The following FOXJ2 variants were observed in gnomAD, a reference collection of about 807,000 sequenced individuals.
The protein encoded by FOXJ2 is forkhead box protein J2.
FOXJ2 carries 18 observed loss-of-function variants against 68.4 expected under a neutral mutation model. The ratio of observed to expected loss-of-function variants is 0.26; its 90% CI spans 0.18 to 0.39. The LOEUF is 0.39. FOXJ2 is among the 10% of genes least tolerant of loss of function. The pLI is 1.00. For synonymous variants in FOXJ2, 274 were observed against 263.2 expected (o/e 1.04, Z -0.40); for missense variants, 670 against 726.5 (o/e 0.92, Z 0.89).
intron 1 of FOXJ2, among the ~76,000 whole-genome samples, chr12:8,036,227 T>C (rs1413473292): frequency 2.0e-5 from 3 of 152,216 alleles, no homozygotes; most frequent in South Asian, 4.1e-4. Context: ...TCTAGCATTC[T>C]GTATGGGGCA....
At chr12:8,050,859 TTCCCTTCCC>T (rs2121355036) in intron 10 of FOXJ2, among the ~76,000 whole-genome samples, 1 of 59,064 alleles carries the variant, frequency 1.7e-5, no homozygotes, top group South Asian at 7.4e-4. Flanking sequence ...TCCCCTTCCC[TTCCCTTCCC>T]CTTCCCTTCC....
At chr12:8,039,491 C>T (rs752338793) in intron 1 of FOXJ2, among the ~76,000 whole-genome samples, 31 of 152,058 alleles carry the variant, frequency 2.0e-4, no homozygotes, top group South Asian at 4.2e-4. Context: ...TTTTTCAAAC[C>T]CATTCCTACA....
In FOXJ2 at chr12:8,047,999, C is replaced by A. The variant is rs779513348; in HGVS notation, c.935C>A (p.Pro312His). The change falls in exon 7 of 11, where the codon CCC becomes CAC. Residue 312 changes from proline to histidine, a missense_variant. By Grantham distance (77) the Pro-to-His change is moderately conservative (BLOSUM62 -2). Around this residue, in one of 2 missense-constraint regions of FOXJ2, gnomAD observed 555 missense variants for 562.2 expected, o/e 0.99. Transcript: ENST00000162391. ...QQQQQPPQPPPQQSQPQQQQA... is the reference protein window; with the variant it reads ...QQQQQPPQPPHQQSQPQQQQA... ...CAGCAGCAGCCGCCACAGCCACCTCCCCAGCAGTCCCAGCCACAGCAGCAG... is the reference window on the plus strand; with the variant it reads ...CAGCAGCAGCCGCCACAGCCACCTCACCAGCAGTCCCAGCCACAGCAGCAG... 1.2e-6 allele frequency: 2 copies of A among 1,613,972 alleles called. No individual in the cohort carries two copies. Among genetic ancestry groups the A allele is most frequent in the East Asian group, 4.5e-5 (2 of 44,880 alleles).
In FOXJ2 at chr12:8,053,846, T is replaced by C. The variant is rs1947155470; in HGVS notation, c.*996T>C. 1 of 152,206 alleles carries C rather than the reference T, an allele frequency of 6.6e-6. No individual in the cohort carries two copies. Among genetic ancestry groups the C allele is most frequent in the Non-Finnish European group, 1.5e-5 (1 of 68,038 alleles). The allele number at this position is 152,206 out of a possible 1,614,324, so 9.4% of individuals were successfully genotyped here. On this transcript the variant is annotated 3_prime_UTR_variant, in exon 11 of 11. Coordinates refer to ENST00000162391, the MANE Select transcript of FOXJ2 (RefSeq NM_018416.3). This position sits in a 1 kb window ranked among gnomAD's most constrained non-coding sequence, Gnocchi z 4.1. Reference sequence around the variant, plus strand: ...CAAATATTAGTTTGTCCTCCTTTAATTGTTTGCCCAAATCTTCCACCCATC... The same window carrying C: ...CAAATATTAGTTTGTCCTCCTTTAACTGTTTGCCCAAATCTTCCACCCATC...
intron 6 of FOXJ2, among the ~76,000 whole-genome samples, chr12:8,046,155 G>A (rs756074595): frequency 6.6e-6 from 1 of 152,300 alleles, no homozygotes; most frequent in South Asian, 2.1e-4. Context: ...TGATTTTAGG[G>A]CTGCAAGTGA....
chr12:8,046,858 A>G (rs1947043435), intron 6 of FOXJ2, among the ~76,000 whole-genome samples: 1 of 152,126 alleles, frequency 6.6e-6, no homozygotes, highest in South Asian at 2.1e-4. Context: ...ATCACAGGGG[A>G]TCAATTCCTA....
At chr12:8,050,320 A>G (rs1253610898) in intron 9 of FOXJ2, 8 of 1,323,548 alleles carry the variant, frequency 6.0e-6, no homozygotes, top group South Asian at 2.2e-5. Flanking sequence ...CTATTTCACA[A>G]TTGTACTATC....
intron 6 of FOXJ2, among the ~76,000 whole-genome samples, chr12:8,046,468 G>A (rs927693303): frequency 2.1e-4 from 32 of 152,046 alleles, no homozygotes; most frequent in African/African-American, 6.0e-4. Flanking sequence ...ATACAACTTC[G>A]ATATACACCT....
intron 1 of FOXJ2, among the ~76,000 whole-genome samples, chr12:8,036,714 A>C (rs1002555502): frequency 6.6e-6 from 1 of 152,126 alleles, no homozygotes; most frequent in African/African-American, 2.4e-5. Context: ...ATTAAGTTTC[A>C]TTCACTTCCC....
chr12:8,042,176 C>T (rs57669346), intron 2 of FOXJ2, among the ~76,000 whole-genome samples: 119 of 152,358 alleles, frequency 7.8e-4, no homozygotes, highest in African/African-American at 2.8e-3. Context: ...CCACGCCTGA[C>T]CCCAACACAC....
At chr12:8,051,386 T>C (rs1243513528) in intron 10 of FOXJ2, among the ~76,000 whole-genome samples, 1 of 152,016 alleles carries the variant, frequency 6.6e-6, no homozygotes, top group African/African-American at 2.4e-5. Context: ...TGCCTCTGCC[T>C]CCCAAAGTGC....
At chr12:8,043,209 C>A (rs1381196965) in intron 3 of FOXJ2, among the ~76,000 whole-genome samples, 2 of 122,894 alleles carry the variant, frequency 1.6e-5, no homozygotes, top group Admixed American at 8.2e-5. Context: ...AAGAGTGAAA[C>A]TCCATCTCAA....
Position 8,050,502 on chromosome 12 carries a change from C to T in FOXJ2, c.1538-20C>T. On this transcript the variant is annotated intron_variant, in intron 9 of 10. Coordinates refer to ENST00000162391, the MANE Select transcript of FOXJ2 (RefSeq NM_018416.3). ...GACCCGCCCCCCCCAACTCAAGTAA[C>T]TCTTGTCTTGCTTTGGCAGTGAACT... The T allele has an allele frequency of 6.2e-7, 1 of 1,606,868 alleles. No homozygotes were observed. Among genetic ancestry groups the T allele is most frequent in the Non-Finnish European group, 8.5e-7 (1 of 1,177,346 alleles).
chr12:8,048,360 G>A (rs1366931737), intron 7 of FOXJ2, 71 bp downstream of exon 7: 15 of 1,499,468 alleles, frequency 1.0e-5, no homozygotes, highest in African/African-American at 1.4e-5. Context: ...CCGGCATGGA[G>A]GTGCAGTTAG....
At position 8,041,041 on chromosome 12, in the gene FOXJ2, G is replaced by A. The variant is rs141845807; in HGVS notation, c.333+876G>A. 2.1e-3 allele frequency among the ~76,000 whole-genome samples: 325 copies of A among 152,318 alleles called. 1 individual carries two copies. Among genetic ancestry groups the A allele is most frequent in the African/African-American group, 7.4e-3 (309 of 41,556 alleles). The stretch of plus-strand genomic sequence containing the variant: ...CTCCTCTCCTAAGCAAAGCAAGAAG[G>A]CTGATAGGCTCAATTTTTTGGAGCA... On this transcript the variant is annotated intron_variant, in intron 2 of 10. Transcript: ENST00000162391.
At chr12:8,050,238 A>G in intron 9 of FOXJ2, 2 of 914,102 alleles carry the variant, frequency 2.2e-6, no homozygotes, top group Non-Finnish European at 2.8e-6. Context: ...GGCTGCCCAA[A>G]GTGTTGGGAT....
At position 8,049,369 on chromosome 12, in the gene FOXJ2, G is replaced by A; in HGVS notation, c.1335G>A (p.Met445Ile). 6.2e-7 allele frequency: 1 copy of A among 1,611,354 alleles called. No homozygotes were observed. The highest frequency in any genetic ancestry group is 2.2e-5 in the East Asian group (1 of 44,838). Residue 445 changes from methionine to isoleucine, a missense_variant, in exon 9 of 11, where the codon ATG becomes ATA. By Grantham distance (10) the Met-to-Ile change is conservative (BLOSUM62 1). Coordinates refer to ENST00000162391, the MANE Select transcript of FOXJ2 (RefSeq NM_018416.3). ...TTGCTTCCCTCTTTGTAGAACTGAT[G>A]GAGAGTCTACGACAGGCAGAGCAGA... ...SIEQSQFSEL[M>I]ESLRQAEQKN...
rs1232707723 is a variant in FOXJ2, at chr12:8,054,431, A to C, written c.*1581A>C. ...ACTTTCTTTGTGATTTCTGCTTTTCATGCATATTATTTTATTTACCCATAA... is the reference window on the plus strand; with the variant it reads ...ACTTTCTTTGTGATTTCTGCTTTTCCTGCATATTATTTTATTTACCCATAA... On this transcript the variant is annotated 3_prime_UTR_variant, in exon 11 of 11. Coordinates refer to ENST00000162391, the MANE Select transcript of FOXJ2 (RefSeq NM_018416.3). The C allele has an allele frequency of 6.6e-6, 1 of 152,306 alleles. No homozygotes were observed. The highest frequency in any genetic ancestry group is 1.5e-5 in the Non-Finnish European group (1 of 68,038). The allele number at this position is 152,306 out of a possible 1,614,324, so 9.4% of individuals were successfully genotyped here. A position where few individuals can be genotyped will look rare whatever the true frequency, so the allele number is the denominator to read the frequency against.
chr12:8,050,408 G>A (rs1591581504), intron 9 of FOXJ2, 114 bp from the exon 10 acceptor site: 1 of 1,464,686 alleles, frequency 6.8e-7, no homozygotes, highest in East Asian at 2.5e-5. Context: ...TACAGAACAG[G>A]GCAGGGAAGA....
Sources: gnomAD v4.1 joint callset for allele counts (sites outside exome capture counted in the v4.1 genomes callset) on GRCh38, gnomAD v4.1.1 for gene constraint, gnomAD v4.1.1 regional missense constraint, Gnocchi (gnomAD v3.1) non-coding constraint, MANE v1.5 for transcripts, NCBI Gene and HGNC (gene_info 2026-07-23, HGNC 2026-07-21) for gene names.